Variants in UMAD1 observed in about 807,000 individuals in gnomAD.
UMAD1 encodes UBAP1-MVB12-associated (UMA) domain containing 1, also known as UBAP1-MVB12-associated (UMA)-domain containing protein 1.
UMAD1 carries 8 observed loss-of-function variants against 6.1 expected under a neutral mutation model. The observed-to-expected ratio is 1.30, with a 90% CI of 0.76 to 2.35. The LOEUF (loss-of-function observed/expected upper bound fraction) is 2.35. UMAD1 is among the 30% of genes most tolerant of loss of function. The pLI, the probability that UMAD1 is intolerant of heterozygous loss-of-function variation, is 0.00. For missense variants in UMAD1, 130 were observed against 78.4 expected, an observed-to-expected ratio of 1.66 and a Z score of -2.49; for synonymous variants, 56 against 31.4, an observed-to-expected ratio of 1.78 and a Z score of -2.61.
In UMAD1 at chr7:7,745,126, G is replaced by A. The variant is rs545975085; in HGVS notation, c.83-56544G>A. Among the ~76,000 whole-genome samples, 4 of 152,246 alleles carry A rather than the reference G, an allele frequency of 2.6e-5. No homozygotes were observed. In the South Asian group the frequency reaches 8.3e-4, roughly 32 times the overall value. Reference sequence around the variant, plus strand: ...TTATTAAGAAAAACATAGAGAAGAGGAACTATTCTTACTATTCATTAAGTG... The same window carrying A: ...TTATTAAGAAAAACATAGAGAAGAGAAACTATTCTTACTATTCATTAAGTG... On this transcript the variant is annotated intron_variant, in intron 2 of 3. Coordinates refer to ENST00000682710, the MANE Select transcript of UMAD1 (RefSeq NM_001302348.2).
At chr7:7,712,538 A>G (rs1176234776) in intron 2 of UMAD1, among the ~76,000 whole-genome samples, 1 of 152,204 alleles carries the variant, frequency 6.6e-6, no homozygotes, top group Non-Finnish European at 1.5e-5. Context: ...TGATACTTGT[A>G]GCAACCATCT....
intron 2 of UMAD1, among the ~76,000 whole-genome samples, chr7:7,798,006 C>T (rs140505509): frequency 1.3e-5 from 2 of 152,234 alleles, no homozygotes; most frequent in East Asian, 1.9e-4. Flanking sequence ...CTTTTTATCC[C>T]GGAAATGATG....
At chr7:7,712,689 G>A (rs1270081517) in intron 2 of UMAD1, among the ~76,000 whole-genome samples, 3 of 152,084 alleles carry the variant, frequency 2.0e-5, no homozygotes, top group Non-Finnish European at 4.4e-5. Context: ...TTACTGCATG[G>A]TCTAGGACCT....
At chr7:7,688,344 G>T (rs4140802) in intron 2 of UMAD1, among the ~76,000 whole-genome samples, 83 of 152,038 alleles carry the variant, frequency 5.5e-4, no homozygotes, top group African/African-American at 1.9e-3. Flanking sequence ...CTAGTTTGGC[G>T]TCAGAAAGTA....
At chr7:7,781,874 A>T (rs1234210569) in intron 2 of UMAD1, among the ~76,000 whole-genome samples, 1 of 151,608 alleles carries the variant, frequency 6.6e-6, no homozygotes, top group Non-Finnish European at 1.5e-5. Context: ...ACCTTGAAAA[A>T]ATTAAAAAAT....
intron 2 of UMAD1, among the ~76,000 whole-genome samples, chr7:7,684,763 A>C (rs1000681328): frequency 6.6e-6 from 1 of 152,230 alleles, no homozygotes; most frequent in Non-Finnish European, 1.5e-5. Flanking sequence ...TAACACCCGT[A>C]AACTTTTCAA....
At chr7:7,677,835 G>A (rs898020605) in intron 2 of UMAD1, among the ~76,000 whole-genome samples, 3 of 150,624 alleles carry the variant, frequency 2.0e-5, no homozygotes, top group Non-Finnish European at 3.0e-5. Context: ...CACTACGCCC[G>A]GCTAATTTTT....
At chr7:7,728,267 T>C (rs906032822) in intron 2 of UMAD1, among the ~76,000 whole-genome samples, 17 of 152,240 alleles carry the variant, frequency 1.1e-4, no homozygotes, top group Non-Finnish European at 4.4e-5. Flanking sequence ...ATCCTGGTTC[T>C]CGCTGTTCAC....
At chr7:7,697,060 C>CGACA (rs777853299) in intron 2 of UMAD1, among the ~76,000 whole-genome samples, 37 of 152,236 alleles carry the variant, frequency 2.4e-4, no homozygotes, top group Non-Finnish European at 5.0e-4. Flanking sequence ...TCAGCAGGAA[C>CGACA]GGTCTTGTGG....
chr7:7,651,890 T>C (rs750882379), intron 1 of UMAD1, among the ~76,000 whole-genome samples: 13 of 152,222 alleles, frequency 8.5e-5, no homozygotes, highest in Non-Finnish European at 1.6e-4. Context: ...TTTTCCTGTC[T>C]TGTACTCTGT....
At chr7:7,857,973 G>T (rs1187700866) in intron 3 of UMAD1, among the ~76,000 whole-genome samples, 1 of 152,228 alleles carries the variant, frequency 6.6e-6, no homozygotes, top group East Asian at 1.9e-4. Flanking sequence ...CTTATACTCT[G>T]TTGGATTTGG....
At chr7:7,844,999 AC>A (rs1445242449) in intron 3 of UMAD1, among the ~76,000 whole-genome samples, 37 of 152,162 alleles carry the variant, frequency 2.4e-4, no homozygotes, top group Admixed American at 1.5e-3. Flanking sequence ...AAAAAAATTT[AC>A]ATAAATTATT....
At chr7:7,693,244 A>G (rs1265587778) in intron 2 of UMAD1, among the ~76,000 whole-genome samples, 1 of 152,174 alleles carries the variant, frequency 6.6e-6, no homozygotes, top group Non-Finnish European at 1.5e-5. Flanking sequence ...CCAGTATACA[A>G]TTCACCAAAC....
In UMAD1 at chr7:7,648,736, C is replaced by G. The variant is rs536675939; in HGVS notation, c.-64+7915C>G. The stretch of plus-strand genomic sequence containing the variant: ...CATGGTGGTGTGTGTGCCTGTGGTC[C>G]TAGCTACTTGGGAGGCTGAGGTGGG... On this transcript the variant is annotated intron_variant, in intron 1 of 3. Transcript: ENST00000682710. Among the ~76,000 whole-genome samples, 5 of 152,060 alleles carry G rather than the reference C, an allele frequency of 3.3e-5. No individual in the cohort carries two copies. In the South Asian group the frequency reaches 6.2e-4, roughly 19 times the overall value.
intron 2 of UMAD1, among the ~76,000 whole-genome samples, chr7:7,686,266 A>G (rs577651608): frequency 6.6e-6 from 1 of 152,292 alleles, no homozygotes; most frequent in Admixed American, 6.5e-5. Flanking sequence ...GGCTGAATAG[A>G]GAGGGTGTAT....
intron 3 of UMAD1, among the ~76,000 whole-genome samples, chr7:7,812,149 A>G (rs1023656752): frequency 5.3e-5 from 8 of 152,172 alleles, no homozygotes; most frequent in Non-Finnish European, 7.3e-5. Context: ...ATTGGGGTTA[A>G]CTAGCACACT....
At chr7:7,772,940 A>AT (rs35327350) in intron 2 of UMAD1, among the ~76,000 whole-genome samples, 39,369 of 151,670 alleles carry the variant, frequency 0.26, 6,067 homozygotes, top group East Asian at 0.38. Context: ...AAATTTATTC[A>AT]TTTTTTTCTT....
intron 2 of UMAD1, among the ~76,000 whole-genome samples, chr7:7,719,786 T>C (rs1049580300): frequency 6.6e-5 from 10 of 152,224 alleles, no homozygotes; most frequent in African/African-American, 7.2e-5. Context: ...TTATTCTGAA[T>C]TGTTCACAAC....
chr7:7,854,116 G>A (rs1203572861), intron 3 of UMAD1, among the ~76,000 whole-genome samples: 66 of 152,008 alleles, frequency 4.3e-4, no homozygotes, highest in Admixed American at 4.3e-3. Flanking sequence ...AGCACTTTGG[G>A]AGGCCAAGGC....
Sources: allele counts gnomAD v4.1 joint callset (sites outside exome capture counted in the v4.1 genomes callset), GRCh38; gene constraint gnomAD v4.1.1; transcripts MANE v1.5; gene names NCBI Gene and HGNC (gene_info 2026-07-23, HGNC 2026-07-21).